Variants in ERBB4 observed in about 807,000 individuals in gnomAD.
The protein encoded by ERBB4 is erb-b2 receptor tyrosine kinase 4.
ERBB4 carries 42 observed loss-of-function variants against 158.0 expected under a neutral mutation model. The observed-to-expected ratio is 0.27, with a 90% CI of 0.21 to 0.34. The LOEUF is 0.34. Ranked by LOEUF, ERBB4 falls within the 10% of genes least tolerant of loss-of-function variation. ERBB4 has a pLI of 1.00. For missense variants in ERBB4, 1,333 were observed against 1,624.1 expected, an observed-to-expected ratio of 0.82 and a Z score of 3.08; for synonymous variants, 583 against 558.7, an observed-to-expected ratio of 1.04 and a Z score of -0.61.
chr2:212,016,051 A>G lies in ERBB4; in HGVS notation c.235-68435T>C, dbSNP rs960725506. 2.0e-5 allele frequency among the ~76,000 whole-genome samples: 3 copies of G among 151,760 alleles called. No individual in the cohort carries two copies. The East Asian group carries it at 5.8e-4, about 29-fold the overall frequency. ...AGAAAAAAAAAAAATGCATTGGTGCATTGGCTGCCAGGAATAATGTATTAG... is the reference window on the plus strand; with the variant it reads ...AGAAAAAAAAAAAATGCATTGGTGCGTTGGCTGCCAGGAATAATGTATTAG... On this transcript the variant is annotated intron_variant, in intron 2 of 27. Transcript: ENST00000342788.
chr2:212,294,451 T>C (rs17418661), intron 1 of ERBB4, among the ~76,000 whole-genome samples: 25,164 of 151,936 alleles, frequency 0.17, 2,268 homozygotes, highest in South Asian at 0.3. Flanking sequence ...CTTTGTCTAA[T>C]AATATTTTGT....
intron 2 of ERBB4, among the ~76,000 whole-genome samples, chr2:212,018,561 C>A (rs573879926): frequency 7.6e-4 from 115 of 152,246 alleles, no homozygotes; most frequent in African/African-American, 2.7e-3. Flanking sequence ...TTTTGTTTCA[C>A]AGACCCCTTT....
intron 1 of ERBB4, among the ~76,000 whole-genome samples, chr2:212,193,235 A>G (rs1046324687): frequency 6.6e-6 from 1 of 152,134 alleles, no homozygotes; most frequent in African/African-American, 2.4e-5. Context: ...CATTATGTGA[A>G]TAAGCTGTAA....
chr2:211,903,441 A>G (rs2079292575), intron 3 of ERBB4, among the ~76,000 whole-genome samples: 1 of 152,082 alleles, frequency 6.6e-6, no homozygotes, highest in African/African-American at 2.4e-5. Flanking sequence ...CTAAATGAAC[A>G]AGTTGCAACA....
At chr2:212,314,234 T>C (rs1251532559) in intron 1 of ERBB4, among the ~76,000 whole-genome samples, 1 of 151,150 alleles carries the variant, frequency 6.6e-6, no homozygotes, top group Non-Finnish European at 1.5e-5. Flanking sequence ...GTTTTTAAGT[T>C]TGTATGAGTA....
chr2:211,786,240 TGA>T (rs1176171898), intron 4 of ERBB4, among the ~76,000 whole-genome samples: 1 of 152,186 alleles, frequency 6.6e-6, no homozygotes. Flanking sequence ...TTTAAAACCC[TGA>T]GAGTGTCTGA....
intron 2 of ERBB4, among the ~76,000 whole-genome samples, chr2:211,994,659 A>G (rs1163782916): frequency 6.6e-6 from 1 of 152,184 alleles, no homozygotes; most frequent in Admixed American, 6.5e-5. Context: ...CTGAACAACT[A>G]TATAGAATTC....
At chr2:211,582,098 A>G (rs1342985706) in intron 19 of ERBB4, among the ~76,000 whole-genome samples, 1 of 152,198 alleles carries the variant, frequency 6.6e-6, no homozygotes, top group Non-Finnish European at 1.5e-5. Flanking sequence ...AGGCATGACA[A>G]TTACTCTTTG....
chr2:212,158,834 C>A (rs2081118338), intron 1 of ERBB4, among the ~76,000 whole-genome samples: 2 of 151,806 alleles, frequency 1.3e-5, no homozygotes, highest in Non-Finnish European at 2.9e-5. Context: ...ATAAGAAATG[C>A]CTGTCAAAAA....
intron 2 of ERBB4, among the ~76,000 whole-genome samples, chr2:212,020,053 C>T (rs1428388680): frequency 6.6e-6 from 1 of 152,010 alleles, no homozygotes; most frequent in African/African-American, 2.4e-5. Flanking sequence ...TGTAGATACT[C>T]ATAGAGAAAA....
chr2:212,003,666 A>T (rs926934362), intron 2 of ERBB4, among the ~76,000 whole-genome samples: 3 of 152,210 alleles, frequency 2.0e-5, no homozygotes, highest in Non-Finnish European at 1.5e-5. Context: ...AAAACATGGA[A>T]TATGATGAAA....
In ERBB4 at chr2:211,754,706, CT is replaced by C. The variant is rs199650314; in HGVS notation, c.557-4003del. Among the ~76,000 whole-genome samples, 1,048 of 139,732 alleles carry C rather than the reference CT, an allele frequency of 7.5e-3. 5 individuals are homozygous for C. Among genetic ancestry groups the C allele is most frequent in the Middle Eastern group, 0.021 (5 of 240 alleles). The allele number at this position is 139,732 out of a possible 152,430, so 91.7% of individuals were successfully genotyped here. A position where few individuals can be genotyped will look rare whatever the true frequency, so the allele number is the denominator to read the frequency against. On this transcript the variant is annotated intron_variant, in intron 4 of 27. Transcript: ENST00000342788. ...ACAGGCATGAGCCACTGTGCCCGAGCTTTTTTTTTTTGAGACAGAGTTTTGC... is the reference window on the plus strand; with the variant it reads ...ACAGGCATGAGCCACTGTGCCCGAGCTTTTTTTTTTGAGACAGAGTTTTGC...
intron 2 of ERBB4, among the ~76,000 whole-genome samples, chr2:212,106,545 T>C (rs973466597): frequency 1.3e-5 from 2 of 152,210 alleles, no homozygotes; most frequent in Non-Finnish European, 1.5e-5. Context: ...GGCAATGTGA[T>C]AGAAAAGAAA....
At chr2:211,692,087 C>G (rs2072844294) in intron 12 of ERBB4, among the ~76,000 whole-genome samples, 1 of 152,152 alleles carries the variant, frequency 6.6e-6, no homozygotes. Flanking sequence ...AGGCGTTTGA[C>G]CCAAATAGCG....
At chr2:211,747,563 TAA>T (rs2075011643) in intron 5 of ERBB4, among the ~76,000 whole-genome samples, 1 of 151,994 alleles carries the variant, frequency 6.6e-6, no homozygotes, top group African/African-American at 2.4e-5. Flanking sequence ...ATTATAGAAA[TAA>T]GAGATGTTGG....
chr2:211,979,206 G>A (rs190692119), intron 2 of ERBB4, among the ~76,000 whole-genome samples: 1 of 152,220 alleles, frequency 6.6e-6, no homozygotes, highest in East Asian at 1.9e-4. Context: ...TTTATACAAA[G>A]GGGAATTTTG....
At chr2:211,755,404 A>C (rs2075267796) in intron 4 of ERBB4, among the ~76,000 whole-genome samples, 2 of 152,154 alleles carry the variant, frequency 1.3e-5, no homozygotes, top group Non-Finnish European at 2.9e-5. Context: ...CTGGAGGTTG[A>C]GGTGGGAGGA....
chr2:211,428,421 G>A lies in ERBB4; in HGVS notation c.2706C>T (p.Asp902=), dbSNP rs146441207. The change falls in exon 22 of 28, where the codon GAC becomes GAT. Residue 902 remains aspartate (D), a synonymous_variant. Coordinates refer to ENST00000342788, the MANE Select transcript of ERBB4 (RefSeq NM_005235.3). The stretch of plus-strand genomic sequence containing the variant: ...AGATTTATTTACCATAGCTCCAAAC[G>A]TCACTCTGATGGGTGAATTTCCTGT... ...IHYRKFTHQS[D]VWSYGVTIWE... 126 of 1,581,526 alleles carry A rather than the reference G, an allele frequency of 8.0e-5. 1 individual carries two copies. Among genetic ancestry groups the A allele is most frequent in the East Asian group, 2.9e-4 (13 of 44,458 alleles).
intron 2 of ERBB4, among the ~76,000 whole-genome samples, chr2:212,037,113 T>TCTG (rs75429672): frequency 2.0e-5 from 3 of 151,938 alleles, no homozygotes; most frequent in African/African-American, 4.8e-5. Context: ...GAAGGGTTTT[T>TCTG]TTGTTTGTTG....
Sources: gnomAD v4.1 joint callset for allele counts (sites outside exome capture counted in the v4.1 genomes callset) on GRCh38, gnomAD v4.1.1 for gene constraint, MANE v1.5 for transcripts, NCBI Gene and HGNC (gene_info 2026-07-23, HGNC 2026-07-21) for gene names.